DYRK2: variants seen among roughly 807,000 people sequenced by gnomAD.
DYRK2 encodes the protein dual specificity tyrosine phosphorylation regulated kinase 2, also known as dual specificity tyrosine-phosphorylation-regulated kinase 2.
Under a neutral mutation model 41.6 loss-of-function variants are expected in DYRK2, and 12 were observed. The ratio of observed to expected loss-of-function variants is 0.29; its 90% CI spans 0.18 to 0.47. The LOEUF (loss-of-function observed/expected upper bound fraction) is 0.47, where lower values mean the gene tolerates loss of function less well. DYRK2 is among the 20% of genes least tolerant of loss of function. The pLI, the probability that DYRK2 is intolerant of heterozygous loss-of-function variation, is 1.00. For synonymous variants in DYRK2, 322 were observed against 315.7 expected (o/e 1.02, Z -0.21); for missense variants, 678 against 798.4 (o/e 0.85, Z 1.82).
In DYRK2 at chr12:67,649,115, A is replaced by C; in HGVS notation, c.-19A>C. 1 of 1,507,054 alleles carries C rather than the reference A, an allele frequency of 6.6e-7. No individual in the cohort carries two copies. The highest frequency in any genetic ancestry group is 8.9e-7 in the Non-Finnish European group (1 of 1,124,748). The allele number at this position is 1,507,054 out of a possible 1,614,324, so 93.4% of individuals were successfully genotyped here. A position where few individuals can be genotyped will look rare whatever the true frequency, so the allele number is the denominator to read the frequency against. On this transcript the variant is annotated 5_prime_UTR_variant, in exon 1 of 3. Transcript: ENST00000344096. ...GGCGGCGACGGCAGCCCTGAAATGCATTTTCCTCTCCAGCGGCCATGTTAA... is the reference window on the plus strand; with the variant it reads ...GGCGGCGACGGCAGCCCTGAAATGCCTTTTCCTCTCCAGCGGCCATGTTAA...
chr12:67,659,437 AGAGTT>A lies in DYRK2; in HGVS notation c.*726_*730del, dbSNP rs1872568603. The stretch of plus-strand genomic sequence containing the variant: ...GTTTTGTAAAGAAGCCTCATATTAC[AGAGTT>A]GCTTTTGCACCTAAATTTAGAATTG... On this transcript the variant is annotated 3_prime_UTR_variant, in exon 3 of 3. Coordinates refer to ENST00000344096, the MANE Select transcript of DYRK2 (RefSeq NM_006482.3). The A allele has an allele frequency of 6.0e-6, 1 of 167,108 alleles. No homozygotes were observed. Among genetic ancestry groups the A allele is most frequent in the African/African-American group, 2.4e-5 (1 of 41,458 alleles). The allele number at this position is 167,108 out of a possible 1,614,324, so 10.4% of individuals were successfully genotyped here.
rs1241217783 is a variant in DYRK2 at position 67,664,357 on chromosome 12, CATTTT to C, written c.*5646_*5650del. ...TATTAACTCTTCTGAAGAAAGCTGA[CATTTT>C]AGGAGTATTAAGTCATCTGTCGTTA... On this transcript the variant is annotated 3_prime_UTR_variant, in exon 3 of 3. Transcript: ENST00000344096. The C allele has an allele frequency of 1.3e-5, 2 of 152,056 alleles. No individual in the cohort carries two copies. Among genetic ancestry groups the C allele is most frequent in the African/African-American group, 4.8e-5 (2 of 41,416 alleles). The allele number at this position is 152,056 out of a possible 1,614,324, so 9.4% of individuals were successfully genotyped here. A position where few individuals can be genotyped will look rare whatever the true frequency, so the allele number is the denominator to read the frequency against.
In DYRK2 at chr12:67,661,016, A is replaced by C. The variant is rs930946655; in HGVS notation, c.*2303A>C. ...AAAACTGGTTCTTAAGATGCCAGCAATGAATTTGAGACTATCTTTATTTAT... is the reference window on the plus strand; with the variant it reads ...AAAACTGGTTCTTAAGATGCCAGCACTGAATTTGAGACTATCTTTATTTAT... On this transcript the variant is annotated 3_prime_UTR_variant, in exon 3 of 3. Coordinates refer to ENST00000344096, the MANE Select transcript of DYRK2 (RefSeq NM_006482.3). 8 of 166,926 alleles carry C rather than the reference A, an allele frequency of 4.8e-5. No individual in the cohort carries two copies. Among genetic ancestry groups the C allele is most frequent in the African/African-American group, 1.9e-4 (8 of 41,428 alleles). 10.3% of individuals were successfully genotyped at this position (166,926 alleles called of 1,614,324 possible).
rs1163580451 is a variant in DYRK2 at position 67,660,762 on chromosome 12, G to C, written c.*2049G>C. ...GTATAAGACTTGGTTTGGTGGCTTT[G>C]TAAGACCACCAGCCTCTTAATGATG... On this transcript the variant is annotated 3_prime_UTR_variant, in exon 3 of 3. Coordinates refer to ENST00000344096, the MANE Select transcript of DYRK2 (RefSeq NM_006482.3). 1 of 166,982 alleles carries C rather than the reference G, an allele frequency of 6.0e-6. No individual in the cohort carries two copies. The highest frequency in any genetic ancestry group is 2.1e-4 in the South Asian group (1 of 4,826). The allele number at this position is 166,982 out of a possible 1,614,324, so 10.3% of individuals were successfully genotyped here. A position where few individuals can be genotyped will look rare whatever the true frequency, so the allele number is the denominator to read the frequency against.
rs1164918558 is a variant in DYRK2 at position 67,658,515 on chromosome 12, G to C, written c.1608G>C (p.Arg536Ser). ...AGGCTTTGCGGCACCCCTGGCTGAG[G>C]AGGCGGTTGCCAAAGCCTCCCACCG... The part of the protein sequence containing the change: ...PGQALRHPWL[R>S]RRLPKPPTGE... Residue 536 changes from arginine to serine, a missense_variant, in exon 3 of 3, where the codon AGG becomes AGC. By Grantham distance (110) the Arg-to-Ser change is moderately radical. Around this residue, in one of 2 missense-constraint regions of DYRK2, gnomAD observed 393 missense variants for 519.1 expected, o/e 0.76. Coordinates refer to ENST00000344096, the MANE Select transcript of DYRK2 (RefSeq NM_006482.3). The surrounding 1 kb of genome is among the most constrained non-coding windows in gnomAD (Gnocchi z 4.3). The C allele has an allele frequency of 1.9e-6, 3 of 1,612,670 alleles. No homozygotes were observed. Among genetic ancestry groups the C allele is most frequent in the Non-Finnish European group, 2.5e-6 (3 of 1,179,274 alleles).
At chr12:67,654,499 G>A (rs1872410616) in intron 2 of DYRK2, among the ~76,000 whole-genome samples, 1 of 152,176 alleles carries the variant, frequency 6.6e-6, no homozygotes, top group Non-Finnish European at 1.5e-5. Flanking sequence ...GGCATGTTAC[G>A]ATGCTGCCTC....
chr12:67,650,383 C>A lies in DYRK2; in HGVS notation c.198+438C>A, dbSNP rs183455030. On this transcript the variant is annotated intron_variant, in intron 2 of 2. Transcript: ENST00000344096. ...AGACCGGCCTGCCCGGAAAATCGAT[C>A]CCCCAAAGAGCCTCCCAGGCCTGGC... Among the ~76,000 whole-genome samples, 12 of 152,338 alleles carry A rather than the reference C, an allele frequency of 7.9e-5. No homozygotes were observed. The East Asian group carries it at 2.3e-3, about 29-fold the overall frequency.
rs186640507 is a variant in DYRK2, at chr12:67,650,680, G to T, written c.198+735G>T. 3.5e-4 allele frequency among the ~76,000 whole-genome samples: 53 copies of T among 152,314 alleles called. No homozygotes were observed. The East Asian group carries it at 0.01, about 29-fold the overall frequency. ...GAGGCCAGCGTGGGACTGGTTGCTG[G>T]TGGCTGCGGAGACTGGCAAGCTGGA... On this transcript the variant is annotated intron_variant, in intron 2 of 2. Coordinates refer to ENST00000344096, the MANE Select transcript of DYRK2 (RefSeq NM_006482.3).
At chr12:67,656,770 T>G (rs1872481771) in intron 2 of DYRK2, among the ~76,000 whole-genome samples, 1 of 152,148 alleles carries the variant, frequency 6.6e-6, no homozygotes, top group African/African-American at 2.4e-5. Context: ...TGTGCATGTT[T>G]TTTTCTGTAT....
At chr12:67,654,203 G>T (rs770583913) in intron 2 of DYRK2, among the ~76,000 whole-genome samples, 5 of 152,220 alleles carry the variant, frequency 3.3e-5, no homozygotes, top group African/African-American at 1.2e-4. Context: ...AAAAGCAGAG[G>T]AGTGTAAAAG....
At chr12:67,651,974 G>A (rs1872334882) in intron 2 of DYRK2, among the ~76,000 whole-genome samples, 1 of 151,976 alleles carries the variant, frequency 6.6e-6, no homozygotes, top group South Asian at 2.1e-4. Flanking sequence ...ATTCCCATAT[G>A]TCTGTCAGAT....
At chr12:67,650,064 ACGCCTCGGGCCGATGGTC>A in intron 2 of DYRK2, 119 bp downstream of exon 2, 3 of 1,083,982 alleles carry the variant, frequency 2.8e-6, no homozygotes, top group Non-Finnish European at 3.5e-6. Flanking sequence ...AAGCAGCCCC[ACGCCTCGGGCCGATGGTC>A]TCTCGTCGAC....
rs1872590202 is a variant in DYRK2, at chr12:67,660,366, A to G, written c.*1653A>G. On this transcript the variant is annotated 3_prime_UTR_variant, in exon 3 of 3. Coordinates refer to ENST00000344096, the MANE Select transcript of DYRK2 (RefSeq NM_006482.3). ...AATCCTACAGTTTATCTTAAGAAAA[A>G]AAAAAAGGTTTGAAAAAAACACTTT... The G allele has an allele frequency of 6.0e-6, 1 of 167,062 alleles. No individual in the cohort carries two copies. Among genetic ancestry groups the G allele is most frequent in the Non-Finnish European group, 1.5e-5 (1 of 68,100 alleles). 10.3% of individuals were successfully genotyped at this position (167,062 alleles called of 1,614,324 possible).
chr12:67,659,944 A>T lies in DYRK2; in HGVS notation c.*1231A>T, dbSNP rs891725190. 1 of 167,080 alleles carries T rather than the reference A, an allele frequency of 6.0e-6. No individual in the cohort carries two copies. 10.3% of individuals were successfully genotyped at this position (167,080 alleles called of 1,614,324 possible). The stretch of plus-strand genomic sequence containing the variant: ...TCATTAGAAGAACCCCAGAGATAGC[A>T]TTCCTCTATTTTATTTTACTTTCTT... On this transcript the variant is annotated 3_prime_UTR_variant, in exon 3 of 3. Coordinates refer to ENST00000344096, the MANE Select transcript of DYRK2 (RefSeq NM_006482.3).
rs1419298027 is a variant in DYRK2, at chr12:67,665,094, T to C, written c.*6381T>C. 3 of 152,144 alleles carry C rather than the reference T, an allele frequency of 2.0e-5. No homozygotes were observed. The highest frequency in any genetic ancestry group is 4.8e-5 in the African/African-American group (2 of 41,456). The allele number at this position is 152,144 out of a possible 1,614,324, so 9.4% of individuals were successfully genotyped here. A position where few individuals can be genotyped will look rare whatever the true frequency, so the allele number is the denominator to read the frequency against. ...ATATAGAATGCCTGCCAGGGAAATATATAAAAATAAAAATTTCAAATACAA... is the reference window on the plus strand; with the variant it reads ...ATATAGAATGCCTGCCAGGGAAATACATAAAAATAAAAATTTCAAATACAA... On this transcript the variant is annotated 3_prime_UTR_variant, in exon 3 of 3. Coordinates refer to ENST00000344096, the MANE Select transcript of DYRK2 (RefSeq NM_006482.3).
intron 2 of DYRK2, among the ~76,000 whole-genome samples, chr12:67,656,026 C>A (rs1872459059): frequency 6.6e-6 from 1 of 152,164 alleles, no homozygotes; most frequent in Non-Finnish European, 1.5e-5. Context: ...ATTGTGATGA[C>A]AAGGTGGTGT....
intron 2 of DYRK2, among the ~76,000 whole-genome samples, chr12:67,655,562 A>G (rs1872444092): frequency 6.6e-6 from 1 of 152,218 alleles, no homozygotes; most frequent in Admixed American, 6.5e-5. Flanking sequence ...AGTATCATCT[A>G]TGAGTGTGAT....
chr12:67,649,285 G>A (rs1872232653), intron 1 of DYRK2, 103 bp downstream of exon 1: 1 of 976,292 alleles, frequency 1.0e-6, no homozygotes. Context: ...GAACAAAGTC[G>A]GCGGCGCGGC....
intron 1 of DYRK2, 93 bp downstream of exon 1, chr12:67,649,275 G>C: frequency 1.9e-6 from 2 of 1,071,070 alleles, no homozygotes; most frequent in Non-Finnish European, 2.4e-6. Flanking sequence ...GCGGGACCTC[G>C]AACAAAGTCG....
Sources: gnomAD v4.1 joint callset for allele counts (sites outside exome capture counted in the v4.1 genomes callset) on GRCh38, gnomAD v4.1.1 for gene constraint, gnomAD v4.1.1 regional missense constraint, Gnocchi (gnomAD v3.1) non-coding constraint, MANE v1.5 for transcripts, NCBI Gene and HGNC (gene_info 2026-07-23, HGNC 2026-07-21) for gene names.